ABTB3: variants seen among roughly 807,000 people sequenced by gnomAD.
ABTB3 encodes the protein ankyrin repeat and BTB domain containing 3, also known as ankyrin repeat- and BTB/POZ domain-containing protein 3.
the ABTB3 span, among the ~76,000 whole-genome samples, chr12:107,594,250 T>C: frequency 2.6e-5 from 4 of 152,234 alleles, no homozygotes; most frequent in East Asian, 5.8e-4. Context: ...AATTTCATTC[T>C]CCTGGGTGTT....
chr12:107,372,878 C>T, the ABTB3 span, among the ~76,000 whole-genome samples: 53 of 152,308 alleles, frequency 3.5e-4, no homozygotes, highest in African/African-American at 1.0e-3. Flanking sequence ...GCTGCAGGGA[C>T]ATTGCCTCTT....
chr12:107,469,866 T>TTTCTTTTCTTTC, the ABTB3 span, among the ~76,000 whole-genome samples: 1 of 75,574 alleles, frequency 1.3e-5, no homozygotes, highest in Admixed American at 1.5e-4. Context: ...TCTTTCTTTC[T>TTTCTTTTCTTTC]TTTCTTTCTT....
the ABTB3 span, among the ~76,000 whole-genome samples, chr12:107,356,572 C>T: frequency 2.0e-4 from 31 of 152,204 alleles, no homozygotes; most frequent in African/African-American, 7.2e-4. Flanking sequence ...CATCTTAATA[C>T]AGCCCTTCCC....
the ABTB3 span, among the ~76,000 whole-genome samples, chr12:107,652,273 C>T: frequency 1.3e-5 from 2 of 152,252 alleles, no homozygotes; most frequent in African/African-American, 4.8e-5. Flanking sequence ...ACCCAGCCAC[C>T]TGTGGCTTTG....
chr12:107,487,406 C>T, the ABTB3 span, among the ~76,000 whole-genome samples: 1 of 152,158 alleles, frequency 6.6e-6, no homozygotes, highest in Non-Finnish European at 1.5e-5. Flanking sequence ...GTATTGGCTG[C>T]TGAGACACAA....
chr12:107,328,697 A>G, the ABTB3 span, among the ~76,000 whole-genome samples: 2 of 152,222 alleles, frequency 1.3e-5, no homozygotes, highest in African/African-American at 4.8e-5. Context: ...AGAAAAGTTC[A>G]GCAACTAGTT....
the ABTB3 span, among the ~76,000 whole-genome samples, chr12:107,455,700 T>C: frequency 6.6e-6 from 1 of 152,216 alleles, no homozygotes; most frequent in East Asian, 1.9e-4. Flanking sequence ...ATGTATCTTC[T>C]AGGTCAGCTG....
At chr12:107,628,050 C>T in the ABTB3 span, among the ~76,000 whole-genome samples, 3 of 152,178 alleles carry the variant, frequency 2.0e-5, no homozygotes, top group East Asian at 5.8e-4. Context: ...GCCCACCCTC[C>T]ACCTGCCTCC....
At chr12:107,575,581 C>T in the ABTB3 span, among the ~76,000 whole-genome samples, 2 of 152,156 alleles carry the variant, frequency 1.3e-5, no homozygotes, top group Non-Finnish European at 2.9e-5. Flanking sequence ...AGGGTTGGTT[C>T]TTCCTAGAGG....
At chr12:107,406,997 T>C in the ABTB3 span, among the ~76,000 whole-genome samples, 2 of 152,100 alleles carry the variant, frequency 1.3e-5, no homozygotes, top group Non-Finnish European at 2.9e-5. Flanking sequence ...CTTTTGACCT[T>C]GGGGAAGCCA....
the ABTB3 span, among the ~76,000 whole-genome samples, chr12:107,546,605 A>T: frequency 6.6e-6 from 1 of 152,114 alleles, no homozygotes; most frequent in Non-Finnish European, 1.5e-5. Context: ...TGTGAGCTTT[A>T]ATAGTCTTCT....
At chr12:107,534,211 TAAA>T in the ABTB3 span, among the ~76,000 whole-genome samples, 1 of 139,882 alleles carries the variant, frequency 7.1e-6, no homozygotes, top group Non-Finnish European at 1.6e-5. Context: ...CCCTGTCTCT[TAAA>T]AAAAAAAAAA....
the ABTB3 span, among the ~76,000 whole-genome samples, chr12:107,497,002 T>C: frequency 6.6e-6 from 1 of 152,166 alleles, no homozygotes; most frequent in South Asian, 2.1e-4. Context: ...AATCAAGTCA[T>C]CTCTATTCAT....
At chr12:107,353,418 A>G in the ABTB3 span, among the ~76,000 whole-genome samples, 9 of 152,156 alleles carry the variant, frequency 5.9e-5, no homozygotes. Context: ...GGATATTGAC[A>G]TGGGATCTGG....
At chr12:107,436,962 C>T in the ABTB3 span, among the ~76,000 whole-genome samples, 15 of 152,182 alleles carry the variant, frequency 9.9e-5, no homozygotes, top group East Asian at 5.8e-4. Flanking sequence ...CCCCCCCCGC[C>T]GCACCTGCCC....
chr12:107,330,385 A>C, the ABTB3 span, among the ~76,000 whole-genome samples: 6 of 152,208 alleles, frequency 3.9e-5, no homozygotes, highest in African/African-American at 1.4e-4. Flanking sequence ...CATCATCCCC[A>C]TCTTACCCAA....
At chr12:107,417,792 G>A in the ABTB3 span, among the ~76,000 whole-genome samples, 6 of 152,194 alleles carry the variant, frequency 3.9e-5, no homozygotes, top group Non-Finnish European at 8.8e-5. Context: ...CGCCCCCTCT[G>A]ATATAGTCTG....
chr12:107,404,160 C>A, the ABTB3 span, among the ~76,000 whole-genome samples: 17 of 39,084 alleles, frequency 4.3e-4, no homozygotes, highest in Admixed American at 2.6e-3. Flanking sequence ...GAGACTCTAA[C>A]TCAAAAAAAA....
chr12:107,474,779 T>G, the ABTB3 span, among the ~76,000 whole-genome samples: 29 of 152,108 alleles, frequency 1.9e-4, 1 homozygote, highest in African/African-American at 7.0e-4. Context: ...AGGCAGCAGA[T>G]GCCCTGCAGA....
Sources: allele counts gnomAD v4.1 joint callset (sites outside exome capture counted in the v4.1 genomes callset), GRCh38; gene constraint gnomAD v4.1.1; transcripts MANE v1.5; gene names NCBI Gene and HGNC (gene_info 2026-07-23, HGNC 2026-07-21).